ARK2N: variants seen among roughly 807,000 people sequenced by gnomAD.
The protein encoded by ARK2N is protein ARK2N.
At chr18:46,237,024 G>A in the ARK2N span, among the ~76,000 whole-genome samples, 9 of 151,726 alleles carry the variant, frequency 5.9e-5, no homozygotes, top group South Asian at 4.2e-4. Flanking sequence ...CACCACACCC[G>A]GCTAATTTTT....
the ARK2N span, chr18:46,232,124 C>T: frequency 2.0e-5 from 3 of 152,204 alleles, no homozygotes; most frequent in East Asian, 5.8e-4. Context: ...ATAGTGAATT[C>T]TTTTTTAACC....
the ARK2N span, among the ~76,000 whole-genome samples, chr18:46,224,727 TATGAAAA>T: frequency 6.6e-6 from 1 of 152,230 alleles, no homozygotes; most frequent in Non-Finnish European, 1.5e-5. Context: ...AAATTAAAGC[TATGAAAA>T]ATGATAATGT....
chr18:46,201,887 C>G, the ARK2N span, among the ~76,000 whole-genome samples: 1 of 151,690 alleles, frequency 6.6e-6, no homozygotes, highest in East Asian at 1.9e-4. Context: ...AAGCGATTCT[C>G]CTCCTTCAGC....
At chr18:46,246,256 G>C in the ARK2N span, among the ~76,000 whole-genome samples, 2 of 152,124 alleles carry the variant, frequency 1.3e-5, no homozygotes, top group Non-Finnish European at 2.9e-5. Flanking sequence ...GGGGTGGGGA[G>C]GGGCAGAGCA....
the ARK2N span, among the ~76,000 whole-genome samples, chr18:46,258,457 C>T: frequency 5.9e-5 from 9 of 152,072 alleles, no homozygotes; most frequent in Admixed American, 1.3e-4. Flanking sequence ...TGTGTGTGCG[C>T]GCACACACTT....
At chr18:46,246,034 A>G in the ARK2N span, among the ~76,000 whole-genome samples, 3 of 152,234 alleles carry the variant, frequency 2.0e-5, no homozygotes, top group Non-Finnish European at 4.4e-5. Flanking sequence ...ATAGCTAAAT[A>G]TAAGTGCTCT....
At chr18:46,200,614 G>T in the ARK2N span, among the ~76,000 whole-genome samples, 1 of 152,122 alleles carries the variant, frequency 6.6e-6, no homozygotes, top group South Asian at 2.1e-4. Context: ...CCAGGATGGG[G>T]TTTTTATGGT....
chr18:46,252,580 A>G, the ARK2N span, among the ~76,000 whole-genome samples: 2 of 151,936 alleles, frequency 1.3e-5, no homozygotes, highest in East Asian at 3.9e-4. Flanking sequence ...TTTTATTTAC[A>G]TTGGTTTAGT....
the ARK2N span, among the ~76,000 whole-genome samples, chr18:46,187,923 G>A: frequency 1.3e-5 from 2 of 152,072 alleles, no homozygotes; most frequent in African/African-American, 4.8e-5. Flanking sequence ...CTGCTATGAG[G>A]CTAAACTGGA....
the ARK2N span, among the ~76,000 whole-genome samples, chr18:46,212,283 C>G: frequency 3.7e-4 from 56 of 152,112 alleles, 1 homozygote; most frequent in Admixed American, 3.7e-3. Flanking sequence ...TTGTATACAT[C>G]ACAAATTCAA....
the ARK2N span, among the ~76,000 whole-genome samples, chr18:46,174,585 CCTCCCGGCCCGGCGGAGTTGGCTCCGGCA>C: frequency 1.3e-5 from 2 of 152,178 alleles, no homozygotes. Flanking sequence ...ACCCTAGCGT[CCTCCCGGCCCGGCGGAGTTGGCTCCGGCA>C]CTCCAAGCCC....
At chr18:46,252,386 C>G in the ARK2N span, among the ~76,000 whole-genome samples, 1 of 151,924 alleles carries the variant, frequency 6.6e-6, no homozygotes, top group African/African-American at 2.4e-5. Context: ...AAGCAATTCT[C>G]TATCCTTAGC....
At chr18:46,254,482 T>G in the ARK2N span, among the ~76,000 whole-genome samples, 1 of 152,268 alleles carries the variant, frequency 6.6e-6, no homozygotes, top group South Asian at 2.1e-4. Flanking sequence ...AATTCTGGCC[T>G]GCTGCCTGTT....
At chr18:46,252,409 T>G in the ARK2N span, among the ~76,000 whole-genome samples, 2 of 151,946 alleles carry the variant, frequency 1.3e-5, no homozygotes, top group Non-Finnish European at 2.9e-5. Flanking sequence ...CCTGAGTAGC[T>G]GGGACTACAG....
the ARK2N span, among the ~76,000 whole-genome samples, chr18:46,199,557 C>A: frequency 1.3e-5 from 2 of 150,210 alleles, no homozygotes; most frequent in Admixed American, 1.3e-4. Flanking sequence ...GAACTCCTGA[C>A]CTCAAGTGAT....
chr18:46,224,426 T>C, the ARK2N span, among the ~76,000 whole-genome samples: 13 of 152,260 alleles, frequency 8.5e-5, no homozygotes, highest in African/African-American at 3.1e-4. Context: ...CTAAGAGTGA[T>C]TGTGTAATGA....
the ARK2N span, among the ~76,000 whole-genome samples, chr18:46,238,393 TAATC>T: frequency 6.6e-6 from 1 of 152,224 alleles, no homozygotes; most frequent in South Asian, 2.1e-4. Context: ...GATTCCATAA[TAATC>T]ATTTTGAACT....
At chr18:46,234,974 T>C in the ARK2N span, among the ~76,000 whole-genome samples, 1 of 152,104 alleles carries the variant, frequency 6.6e-6, no homozygotes, top group Non-Finnish European at 1.5e-5. Context: ...GGGCCAACCA[T>C]GTATTTGTCC....
the ARK2N span, among the ~76,000 whole-genome samples, chr18:46,247,773 G>T: frequency 6.6e-6 from 1 of 152,208 alleles, no homozygotes; most frequent in African/African-American, 2.4e-5. Flanking sequence ...CTGGATTCAA[G>T]CACTTCTTCT....
Sources: gnomAD v4.1 joint callset for allele counts (sites outside exome capture counted in the v4.1 genomes callset) on GRCh38, gnomAD v4.1.1 for gene constraint, MANE v1.5 for transcripts, NCBI Gene and HGNC (gene_info 2026-07-23, HGNC 2026-07-21) for gene names.